Variants in XPR1 observed in about 807,000 individuals in gnomAD.
The protein encoded by XPR1 is xenotropic and polytropic retrovirus receptor 1.
Under a neutral mutation model 87.5 loss-of-function variants are expected in XPR1, and 28 were observed. That is an observed-to-expected ratio of 0.32 (90% confidence interval 0.24 to 0.44). The LOEUF (loss-of-function observed/expected upper bound fraction) is 0.44. Among genes scored for constraint, XPR1 ranks in the 20% least tolerant of loss-of-function variants. The pLI is 1.00. For synonymous variants in XPR1, 300 were observed against 306.1 expected (o/e 0.98, Z 0.21); for missense variants, 559 against 862.3 (o/e 0.65, Z 4.41).
Position 180,689,706 on chromosome 1 carries a change from G to A in XPR1, c.121+7295G>A, listed in dbSNP as rs144675866. ...AAATCTGGGTAATGTATGGACTTTA[G>A]TTAATAATAATGTATCATTATTGAT... On this transcript the variant is annotated intron_variant, in intron 2 of 14. Transcript: ENST00000367590. 5.3e-5 allele frequency among the ~76,000 whole-genome samples: 8 copies of A among 152,278 alleles called. No homozygotes were observed. In the East Asian group the frequency reaches 1.2e-3, roughly 22 times the overall value.
intron 2 of XPR1, among the ~76,000 whole-genome samples, chr1:180,691,221 A>G (rs1656983423): frequency 6.6e-6 from 1 of 152,152 alleles, no homozygotes; most frequent in South Asian, 2.1e-4. Flanking sequence ...AACACCAATT[A>G]AACCGTTTCT....
intron 2 of XPR1, among the ~76,000 whole-genome samples, chr1:180,696,208 G>GTATGTATATA (rs1657169343): frequency 1.7e-4 from 15 of 88,562 alleles, no homozygotes; most frequent in African/African-American, 5.6e-4. Context: ...GTGTGTGTGT[G>GTATGTATATA]TATATATATA....
chr1:180,807,162 G>T (rs1394439064), intron 6 of XPR1, among the ~76,000 whole-genome samples: 1 of 152,104 alleles, frequency 6.6e-6, no homozygotes, highest in East Asian at 1.9e-4. Flanking sequence ...CCAAAAAAGG[G>T]TATTCACTTT....
intron 2 of XPR1, among the ~76,000 whole-genome samples, chr1:180,770,432 C>A (rs1648471010): frequency 6.6e-6 from 1 of 152,028 alleles, no homozygotes; most frequent in Non-Finnish European, 1.5e-5. Flanking sequence ...TTAATTTAAT[C>A]ATAAGGGCTC....
chr1:180,785,011 T>TTGTGTGTGTGTGTGTGTGTG (rs1186269708), intron 2 of XPR1, among the ~76,000 whole-genome samples: 3,511 of 136,268 alleles, frequency 0.026, 89 homozygotes, highest in Non-Finnish European at 0.037. Flanking sequence ...GTGTGTGTGT[T>TTGTGTGTGTGTGTGTGTGTG]TGTGTGTGTG....
intron 3 of XPR1, among the ~76,000 whole-genome samples, chr1:180,790,173 A>G (rs1424400306): frequency 2.6e-5 from 4 of 151,968 alleles, no homozygotes; most frequent in African/African-American, 9.7e-5. Flanking sequence ...ATCCTTATTT[A>G]TTTTCCTCCA....
chr1:180,781,415 T>C (rs1648934542), intron 2 of XPR1, among the ~76,000 whole-genome samples: 1 of 152,116 alleles, frequency 6.6e-6, no homozygotes, highest in East Asian at 1.9e-4. Context: ...ATGGTGTTGA[T>C]AGTGGTTTTA....
intron 2 of XPR1, among the ~76,000 whole-genome samples, chr1:180,719,045 A>G (rs958915376): frequency 6.6e-5 from 10 of 152,224 alleles, no homozygotes; most frequent in African/African-American, 2.4e-4. Flanking sequence ...TGTATTTTCC[A>G]AATTAATTTT....
At chr1:180,863,666 TGTA>T (rs1652292337) in intron 11 of XPR1, 39 bp from the exon 12 acceptor site, 13 of 1,502,354 alleles carry the variant, frequency 8.7e-6, no homozygotes, top group South Asian at 2.8e-5. Context: ...TTTACTTAAA[TGTA>T]GTAATTTTCT....
At chr1:180,769,858 T>A (rs1648443376) in intron 2 of XPR1, among the ~76,000 whole-genome samples, 1 of 152,130 alleles carries the variant, frequency 6.6e-6, no homozygotes, top group African/African-American at 2.4e-5. Context: ...TCCAAACTGT[T>A]CTCCGTAGTG....
intron 9 of XPR1, among the ~76,000 whole-genome samples, chr1:180,828,606 T>C (rs964236379): frequency 3.3e-5 from 5 of 152,346 alleles, no homozygotes; most frequent in South Asian, 2.1e-4. Context: ...ATTTCTATTA[T>C]AAGAATAGAG....
chr1:180,833,573 A>C (rs1239085828), intron 9 of XPR1, among the ~76,000 whole-genome samples: 2 of 152,228 alleles, frequency 1.3e-5, no homozygotes, highest in East Asian at 1.9e-4. Context: ...AGACCAACAA[A>C]GATCAAAAGA....
intron 4 of XPR1, among the ~76,000 whole-genome samples, chr1:180,803,984 C>G (rs1649888781): frequency 6.9e-6 from 1 of 145,544 alleles, no homozygotes; most frequent in Admixed American, 6.9e-5. Flanking sequence ...TTTTTCCTTT[C>G]TTTTTTTTTT....
At chr1:180,704,272 ATATATT>A (rs1385042332) in intron 2 of XPR1, among the ~76,000 whole-genome samples, 3 of 140,806 alleles carry the variant, frequency 2.1e-5, no homozygotes, top group African/African-American at 7.9e-5. Context: ...ATATATATAT[ATATATT>A]ATCAGATTAT....
chr1:180,712,823 T>C (rs1018778792), intron 2 of XPR1, among the ~76,000 whole-genome samples: 7 of 151,542 alleles, frequency 4.6e-5, no homozygotes, highest in Non-Finnish European at 8.8e-5. Context: ...AATAAATAAA[T>C]AAATAAAAAT....
intron 2 of XPR1, among the ~76,000 whole-genome samples, chr1:180,738,175 C>A (rs1465603128): frequency 6.6e-6 from 1 of 152,104 alleles, no homozygotes; most frequent in East Asian, 1.9e-4. Flanking sequence ...CCACGCCCAA[C>A]TAATTTTTGT....
chr1:180,645,447 T>G (rs1655091235), intron 1 of XPR1, among the ~76,000 whole-genome samples: 1 of 152,232 alleles, frequency 6.6e-6, no homozygotes, highest in African/African-American at 2.4e-5. Context: ...TCTGCCGACT[T>G]GATCACAGTT....
chr1:180,863,932 TC>T (rs1164288898), intron 12 of XPR1, 58 bp downstream of exon 12: 1 of 1,455,888 alleles, frequency 6.9e-7, no homozygotes, highest in African/African-American at 1.4e-5. Flanking sequence ...CACTAGCTAA[TC>T]CTGTTGCAGT....
At chr1:180,734,942 C>A (rs576090638) in intron 2 of XPR1, among the ~76,000 whole-genome samples, 1 of 152,136 alleles carries the variant, frequency 6.6e-6, no homozygotes, top group Admixed American at 6.5e-5. Context: ...TGACCTCATT[C>A]GGAAATACGA....
Sources: gnomAD v4.1 joint callset for allele counts (sites outside exome capture counted in the v4.1 genomes callset) on GRCh38, gnomAD v4.1.1 for gene constraint, MANE v1.5 for transcripts, NCBI Gene and HGNC (gene_info 2026-07-23, HGNC 2026-07-21) for gene names.